The following HS2ST1 variants were observed in gnomAD, a reference collection of about 807,000 sequenced individuals.
HS2ST1 encodes the protein 2-O-sulfotransferase.
HS2ST1 carries 18 observed loss-of-function variants against 42.9 expected under a neutral mutation model. The observed-to-expected ratio is 0.42, with a 90% CI of 0.29 to 0.62. The LOEUF is 0.62. Among genes scored for constraint, HS2ST1 ranks in the 20% least tolerant of loss-of-function variants. The pLI is 0.21. For missense variants in HS2ST1, 334 were observed against 433.8 expected (o/e 0.77, Z 2.04); for synonymous variants, 146 against 152.9 (o/e 0.95, Z 0.33).
intron 1 of HS2ST1, among the ~76,000 whole-genome samples, chr1:87,069,522 A>G (rs1158907683): frequency 1.3e-5 from 2 of 152,260 alleles, no homozygotes; most frequent in Non-Finnish European, 2.9e-5. Flanking sequence ...GTATTGCCAC[A>G]GAAGAAAGAT....
chr1:86,959,979 C>T (rs762216959), intron 1 of HS2ST1, among the ~76,000 whole-genome samples: 1 of 152,046 alleles, frequency 6.6e-6, no homozygotes, highest in Non-Finnish European at 1.5e-5. Context: ...CTAGACTAGG[C>T]AACACAATAT....
intron 1 of HS2ST1, among the ~76,000 whole-genome samples, chr1:87,029,932 T>G (rs1281545851): frequency 5.3e-5 from 8 of 152,226 alleles, no homozygotes; most frequent in Non-Finnish European, 1.2e-4. Context: ...ACTACTTATT[T>G]TGGTTTCTTG....
chr1:86,990,859 T>A (rs1421944741), intron 1 of HS2ST1, among the ~76,000 whole-genome samples: 1 of 99,738 alleles, frequency 1.0e-5, no homozygotes, highest in African/African-American at 3.7e-5. Context: ...TTTTTTTTTT[T>A]AGTAGAGATG....
At chr1:87,097,423 C>T (rs1204918368) in intron 4 of HS2ST1, among the ~76,000 whole-genome samples, 1 of 152,102 alleles carries the variant, frequency 6.6e-6, no homozygotes, top group African/African-American at 2.4e-5. Context: ...GAGACGGAGT[C>T]TTGCTCTGTC....
At chr1:87,089,065 T>A (rs984633617) in intron 3 of HS2ST1, among the ~76,000 whole-genome samples, 5 of 152,056 alleles carry the variant, frequency 3.3e-5, no homozygotes, top group African/African-American at 1.2e-4. Flanking sequence ...TCTTTCAGGT[T>A]CATCACCTCC....
intron 1 of HS2ST1, among the ~76,000 whole-genome samples, chr1:87,067,810 C>T (rs987681361): frequency 5.9e-5 from 9 of 152,046 alleles, no homozygotes; most frequent in African/African-American, 1.9e-4. Context: ...CCCAACACCG[C>T]TTATTAAATA....
chr1:87,082,944 A>G (rs957954217), intron 2 of HS2ST1, among the ~76,000 whole-genome samples: 1 of 152,194 alleles, frequency 6.6e-6, no homozygotes, highest in African/African-American at 2.4e-5. Context: ...TAATTTAAGG[A>G]TGTATATGTG....
intron 1 of HS2ST1, among the ~76,000 whole-genome samples, chr1:87,047,926 C>T (rs1309122150): frequency 6.6e-6 from 1 of 151,976 alleles, no homozygotes; most frequent in Non-Finnish European, 1.5e-5. Context: ...TTGCCTATTC[C>T]AAATTATTTA....
chr1:86,979,332 C>A (rs1648513642), intron 1 of HS2ST1, among the ~76,000 whole-genome samples: 1 of 152,146 alleles, frequency 6.6e-6, no homozygotes, highest in Admixed American at 6.5e-5. Flanking sequence ...CAAACTCAAA[C>A]TCTGTACCCA....
At chr1:87,023,953 G>A (rs1650018347) in intron 1 of HS2ST1, among the ~76,000 whole-genome samples, 1 of 152,078 alleles carries the variant, frequency 6.6e-6, no homozygotes, top group African/African-American at 2.4e-5. Context: ...GGGCTAACAG[G>A]ACAAAGAGCA....
chr1:87,033,544 TTTG>T, intron 1 of HS2ST1, among the ~76,000 whole-genome samples: 5 of 147,590 alleles, frequency 3.4e-5, no homozygotes, highest in Admixed American at 3.3e-4. Flanking sequence ...TGTTTTTTTG[TTTG>T]TTTGTTTGTT....
chr1:87,078,427 A>G lies in HS2ST1; in HGVS notation c.363+5255A>G, dbSNP rs754330791. Among the ~76,000 whole-genome samples, 134 of 152,308 alleles carry G rather than the reference A, an allele frequency of 8.8e-4. 3 individuals carry two copies. The highest frequency in any genetic ancestry group is 9.4e-4 in the Non-Finnish European group (64 of 68,028). ...CTTGCTAGCCTGACTTGAGTCATCA[A>G]ATCCAACAAAAATCACGGTTTACAC... On this transcript the variant is annotated intron_variant, in intron 2 of 6. Coordinates refer to ENST00000370550, the MANE Select transcript of HS2ST1 (RefSeq NM_012262.4).
chr1:86,946,884 T>C (rs1647357106), intron 1 of HS2ST1, among the ~76,000 whole-genome samples: 1 of 152,230 alleles, frequency 6.6e-6, no homozygotes, highest in Admixed American at 6.5e-5. Flanking sequence ...TGAGACCTCT[T>C]ATTTTTTCAT....
chr1:86,942,731 T>A (rs939220568), intron 1 of HS2ST1, among the ~76,000 whole-genome samples: 1 of 152,178 alleles, frequency 6.6e-6, no homozygotes, highest in African/African-American at 2.4e-5. Flanking sequence ...TACTCCAATC[T>A]CCTTAAGAAG....
intron 1 of HS2ST1, among the ~76,000 whole-genome samples, chr1:86,932,651 T>C (rs538898071): frequency 2.6e-5 from 4 of 152,170 alleles, no homozygotes; most frequent in Non-Finnish European, 5.9e-5. Flanking sequence ...GCATTAGTAA[T>C]AGGAAGCAAG....
intron 1 of HS2ST1, among the ~76,000 whole-genome samples, chr1:86,968,917 T>A (rs1294631672): frequency 2.6e-5 from 4 of 152,228 alleles, no homozygotes; most frequent in African/African-American, 9.6e-5. Flanking sequence ...AGATGAATCA[T>A]TAGTACCATT....
At chr1:87,014,676 C>T (rs1415159395) in intron 1 of HS2ST1, among the ~76,000 whole-genome samples, 1 of 152,190 alleles carries the variant, frequency 6.6e-6, no homozygotes, top group African/African-American at 2.4e-5. Context: ...TAAAAACTAT[C>T]ATAAAAGACT....
rs1432539620 is a variant in HS2ST1, at chr1:87,105,816, C to T, written c.*1120C>T. 2 of 152,472 alleles carry T rather than the reference C, an allele frequency of 1.3e-5. No individual in the cohort carries two copies. The highest frequency in any genetic ancestry group is 2.9e-5 in the Non-Finnish European group (2 of 67,934). The allele number at this position is 152,472 out of a possible 1,614,324, so 9.4% of individuals were successfully genotyped here. On this transcript the variant is annotated 3_prime_UTR_variant, in exon 7 of 7. Transcript: ENST00000370550. ...CATCACTGAAATGAACTTCAGTAAGCTTTCAATTTTGATACACAGTTCATT... is the reference window on the plus strand; with the variant it reads ...CATCACTGAAATGAACTTCAGTAAGTTTTCAATTTTGATACACAGTTCATT...
At chr1:86,919,193 C>G (rs1195378065) in intron 1 of HS2ST1, among the ~76,000 whole-genome samples, 1 of 152,028 alleles carries the variant, frequency 6.6e-6, no homozygotes, top group Admixed American at 6.6e-5. Context: ...GATCTGCCCC[C>G]CTCTGCCTTC....
Sources: gnomAD v4.1 joint callset for allele counts (sites outside exome capture counted in the v4.1 genomes callset) on GRCh38, gnomAD v4.1.1 for gene constraint, MANE v1.5 for transcripts, NCBI Gene and HGNC (gene_info 2026-07-23, HGNC 2026-07-21) for gene names.